DTNA: variants seen among roughly 807,000 people sequenced by gnomAD.
DTNA encodes the protein dystrophin-related protein 3.
Under a neutral mutation model 100.7 loss-of-function variants are expected in DTNA, and 43 were observed. That is an observed-to-expected ratio of 0.43 (90% CI 0.33 to 0.55). The LOEUF (loss-of-function observed/expected upper bound fraction) is 0.55, where lower values mean the gene tolerates loss of function less well. DTNA is among the 20% of genes least tolerant of loss of function. The probability of loss-of-function intolerance (pLI) is 0.04; values close to 1 mark genes in which losing one functional copy is unlikely to be tolerated. For synonymous variants in DTNA, 349 were observed against 347.9 expected, an observed-to-expected ratio of 1.00 and a Z score of -0.04; for missense variants, 798 against 953.9, an observed-to-expected ratio of 0.84 and a Z score of 2.15.
chr18:34,730,915 CT>C (rs530906213), intron 1 of DTNA, among the ~76,000 whole-genome samples: 78 of 152,288 alleles, frequency 5.1e-4, no homozygotes, highest in Middle Eastern at 3.4e-3. Context: ...GGCTCACAGC[CT>C]TTGATGTCTC....
At chr18:34,612,640 G>A (rs2054460439) in intron 1 of DTNA, among the ~76,000 whole-genome samples, 1 of 152,134 alleles carries the variant, frequency 6.6e-6, no homozygotes, top group South Asian at 2.1e-4. Flanking sequence ...TAGCTATATT[G>A]AAAAGCAATA....
chr18:34,570,734 C>T (rs757887836), intron 1 of DTNA, among the ~76,000 whole-genome samples: 11 of 152,066 alleles, frequency 7.2e-5, no homozygotes, highest in African/African-American at 9.7e-5. Flanking sequence ...TAAAGACCTG[C>T]GGGTAATTCC....
At chr18:34,651,987 G>T (rs2060498028) in intron 1 of DTNA, among the ~76,000 whole-genome samples, 1 of 151,956 alleles carries the variant, frequency 6.6e-6, no homozygotes, top group Non-Finnish European at 1.5e-5. Context: ...GATCACTTGA[G>T]CCAGGGGGGT....
At chr18:34,565,262 A>G (rs571402654) in intron 1 of DTNA, among the ~76,000 whole-genome samples, 77 of 152,334 alleles carry the variant, frequency 5.1e-4, no homozygotes, top group African/African-American at 1.8e-3. Context: ...CACTTCTACT[A>G]TGTGCCAAGT....
chr18:34,646,272 A>T (rs919819729), intron 1 of DTNA, among the ~76,000 whole-genome samples: 1 of 152,208 alleles, frequency 6.6e-6, no homozygotes, highest in Non-Finnish European at 1.5e-5. Flanking sequence ...CTAAAAAAAA[A>T]TTCATGTTAA....
At chr18:34,499,580 C>A (rs968772779) in intron 1 of DTNA, among the ~76,000 whole-genome samples, 3 of 152,066 alleles carry the variant, frequency 2.0e-5, no homozygotes, top group Admixed American at 6.5e-5. Context: ...ATTTTACATC[C>A]CCATCAACAA....
intron 1 of DTNA, among the ~76,000 whole-genome samples, chr18:34,549,260 ATCT>A (rs1300070905): frequency 3.9e-5 from 6 of 152,126 alleles, no homozygotes; most frequent in African/African-American, 1.4e-4. Context: ...ATAAATCGGC[ATCT>A]TCTTTAAATC....
chr18:34,843,317 A>T lies in DTNA; in HGVS notation c.1346+4480A>T, dbSNP rs566953798. ...AGAGCAACTAATAGGGCATTCTAAA[A>T]TTTTTTTAAAAACTTAAAGTGATAA... On this transcript the variant is annotated intron_variant, in intron 13 of 22. Transcript: ENST00000444659. 5.9e-5 allele frequency among the ~76,000 whole-genome samples: 9 copies of T among 152,232 alleles called. No homozygotes were observed. The South Asian group carries it at 1.0e-3, about 18-fold the overall frequency.
intron 1 of DTNA, among the ~76,000 whole-genome samples, chr18:34,497,314 T>A (rs1434303567): frequency 1.3e-5 from 2 of 152,156 alleles, no homozygotes; most frequent in African/African-American, 4.8e-5. Context: ...GTGCTGAAGA[T>A]GCTGGGGAAA....
intron 16 of DTNA, among the ~76,000 whole-genome samples, chr18:34,859,747 A>G (rs953997831): frequency 4.6e-5 from 7 of 151,656 alleles, no homozygotes; most frequent in African/African-American, 4.9e-5. Context: ...TCCTGACTCA[A>G]TCAGATTCTG....
intron 9 of DTNA, 25 bp from the exon 10 acceptor site, chr18:34,827,568 C>A: frequency 6.2e-7 from 1 of 1,610,020 alleles, no homozygotes; most frequent in Non-Finnish European, 8.5e-7. Flanking sequence ...TTTTAACTTT[C>A]CATTCACCCT....
intron 15 of DTNA, among the ~76,000 whole-genome samples, chr18:34,854,165 C>A (rs1311482729): frequency 6.6e-6 from 1 of 152,082 alleles, no homozygotes; most frequent in African/African-American, 2.4e-5. Flanking sequence ...AATGGAGGGG[C>A]CGTCCTCAAA....
At chr18:34,636,581 G>A (rs1004822076) in intron 1 of DTNA, among the ~76,000 whole-genome samples, 1 of 152,198 alleles carries the variant, frequency 6.6e-6, no homozygotes, top group Non-Finnish European at 1.5e-5. Flanking sequence ...TGCACCATCA[G>A]TGCAAATGGT....
intron 1 of DTNA, among the ~76,000 whole-genome samples, chr18:34,502,247 A>G (rs2040003705): frequency 6.6e-6 from 1 of 152,130 alleles, no homozygotes; most frequent in East Asian, 1.9e-4. Flanking sequence ...TTACTAATTT[A>G]TGTCTTCTCT....
chr18:34,497,591 A>G (rs976323183), intron 1 of DTNA, among the ~76,000 whole-genome samples: 8 of 152,094 alleles, frequency 5.3e-5, no homozygotes, highest in Non-Finnish European at 8.8e-5. Flanking sequence ...TTAAATATTG[A>G]TGTATAATAC....
At chr18:34,672,280 T>C (rs2076865258) in intron 1 of DTNA, among the ~76,000 whole-genome samples, 1 of 152,122 alleles carries the variant, frequency 6.6e-6, no homozygotes, top group Non-Finnish European at 1.5e-5. Context: ...GATTTTCATC[T>C]AAGAAAACCT....
chr18:34,527,946 T>C (rs1233387445), intron 1 of DTNA, among the ~76,000 whole-genome samples: 1 of 152,148 alleles, frequency 6.6e-6, no homozygotes, highest in Non-Finnish European at 1.5e-5. Flanking sequence ...GAAAGTGCTT[T>C]TATGCCCAGC....
At position 34,877,813 on chromosome 18, in the gene DTNA, G is replaced by A. The variant is rs201572644; in HGVS notation, c.1993+5G>A. 17 of 1,612,834 alleles carry A rather than the reference G, an allele frequency of 1.1e-5. No individual in the cohort carries two copies. In the East Asian group the frequency reaches 3.6e-4, roughly 34 times the overall value. ...TTGTGAAAGAGCTGAATTCTGGTGAGTTCCTGATTCCCTCTCATTTGTCTG... is the reference window on the plus strand; with the variant it reads ...TTGTGAAAGAGCTGAATTCTGGTGAATTCCTGATTCCCTCTCATTTGTCTG... On this transcript the variant is annotated splice_donor_5th_base_variant and intron_variant, in intron 19 of 22. Coordinates refer to ENST00000444659, the MANE Select transcript of DTNA (RefSeq NM_001386795.1).
chr18:34,640,915 T>A (rs1370171739), intron 1 of DTNA, among the ~76,000 whole-genome samples: 1 of 152,110 alleles, frequency 6.6e-6, no homozygotes, highest in Non-Finnish European at 1.5e-5. Flanking sequence ...GTGGCGGATG[T>A]TGTTGTTGGG....
Sources: allele counts gnomAD v4.1 joint callset (sites outside exome capture counted in the v4.1 genomes callset), GRCh38; gene constraint gnomAD v4.1.1; transcripts MANE v1.5; gene names NCBI Gene and HGNC (gene_info 2026-07-23, HGNC 2026-07-21).